The following NTRK3 variants were observed in gnomAD, a reference collection of about 807,000 sequenced individuals.
The protein encoded by NTRK3 is NT-3 growth factor receptor.
Under a neutral mutation model 91.7 loss-of-function variants are expected in NTRK3, and 24 were observed. That is an observed-to-expected ratio of 0.26 (90% CI 0.19 to 0.37). The LOEUF (loss-of-function observed/expected upper bound fraction) is 0.37. Among genes scored for constraint, NTRK3 ranks in the 10% least tolerant of loss-of-function variants. NTRK3 has a pLI of 1.00. For synonymous variants in NTRK3, 483 were observed against 404.0 expected, an observed-to-expected ratio of 1.20 and a Z score of -2.34; for missense variants, 880 against 1,068.9, an observed-to-expected ratio of 0.82 and a Z score of 2.46.
intron 14 of NTRK3, among the ~76,000 whole-genome samples, chr15:88,016,081 A>G (rs1433382578): frequency 6.6e-6 from 1 of 152,088 alleles, no homozygotes; most frequent in Non-Finnish European, 1.5e-5. Flanking sequence ...GCCTGTGCAT[A>G]TAAGGCAAAA....
chr15:88,224,640 C>T lies in NTRK3; in HGVS notation c.248+31266G>A, dbSNP rs1054555373. On this transcript the variant is annotated intron_variant, in intron 3 of 18. Transcript: ENST00000394480. ...AGACTTCAGTCATCAGGTTCTATCACGACTGTCATTATTCTCACCCATGCT... is the reference window on the plus strand; with the variant it reads ...AGACTTCAGTCATCAGGTTCTATCATGACTGTCATTATTCTCACCCATGCT... Among the ~76,000 whole-genome samples the T allele has an allele frequency of 2.6e-5, 4 of 152,344 alleles. No individual in the cohort carries two copies. The South Asian group carries it at 6.2e-4, about 24-fold the overall frequency.
intron 17 of NTRK3, among the ~76,000 whole-genome samples, chr15:87,889,500 G>A (rs1044370707): frequency 1.3e-5 from 2 of 150,552 alleles, no homozygotes; most frequent in Admixed American, 6.6e-5. Context: ...CACCTCCCGG[G>A]TTCAAGCAAT....
intron 6 of NTRK3, among the ~76,000 whole-genome samples, chr15:88,138,914 G>A (rs543045418): frequency 6.6e-6 from 1 of 152,242 alleles, no homozygotes; most frequent in African/African-American, 2.4e-5. Context: ...AAAGGAAAGA[G>A]AGAAAAAGAG....
At chr15:88,019,787 T>C (rs1390696772) in intron 14 of NTRK3, among the ~76,000 whole-genome samples, 1 of 152,208 alleles carries the variant, frequency 6.6e-6, no homozygotes, top group Non-Finnish European at 1.5e-5. Context: ...AGAGTCCTAA[T>C]ACACTTCATC....
At chr15:88,046,998 C>A (rs966924996) in intron 13 of NTRK3, among the ~76,000 whole-genome samples, 1 of 152,166 alleles carries the variant, frequency 6.6e-6, no homozygotes, top group Non-Finnish European at 1.5e-5. Flanking sequence ...TACGTGCCTG[C>A]CCTGACCGCC....
At chr15:88,151,022 T>C (rs1442332162) in intron 5 of NTRK3, among the ~76,000 whole-genome samples, 1 of 152,102 alleles carries the variant, frequency 6.6e-6, no homozygotes, top group Non-Finnish European at 1.5e-5. Context: ...AAGAACACCC[T>C]GCCTCTGAGC....
At chr15:88,206,106 G>A (rs1229743533) in intron 3 of NTRK3, among the ~76,000 whole-genome samples, 1 of 151,878 alleles carries the variant, frequency 6.6e-6, no homozygotes, top group African/African-American at 2.4e-5. Flanking sequence ...TTGGGAGGCC[G>A]AGGCGGGCGG....
chr15:88,067,181 C>G (rs1194757671), intron 13 of NTRK3, among the ~76,000 whole-genome samples: 1 of 152,194 alleles, frequency 6.6e-6, no homozygotes, highest in African/African-American at 2.4e-5. Context: ...GCTGAGGGCT[C>G]AGTCCCATTC....
chr15:88,202,636 T>C (rs1464343484), intron 3 of NTRK3, among the ~76,000 whole-genome samples: 1 of 152,180 alleles, frequency 6.6e-6, no homozygotes, highest in African/African-American at 2.4e-5. Flanking sequence ...GTCCTAGGAT[T>C]CCTCAGAGGC....
At chr15:87,968,991 T>A (rs376457817) in intron 14 of NTRK3, among the ~76,000 whole-genome samples, 2 of 152,192 alleles carry the variant, frequency 1.3e-5, no homozygotes, top group Non-Finnish European at 2.9e-5. Context: ...ATTTCTTTAC[T>A]TCTTTTATCT....
Position 87,986,168 on chromosome 15 carries a change from C to T in NTRK3, c.1586-45415G>A, listed in dbSNP as rs958353731. On this transcript the variant is annotated intron_variant, in intron 14 of 18. Transcript: ENST00000394480. ...GCTTAACTGAGAGTAGAGAGAATCTCGGGTATTAATAATCTATCTTCATTG... is the reference window on the plus strand; with the variant it reads ...GCTTAACTGAGAGTAGAGAGAATCTTGGGTATTAATAATCTATCTTCATTG... 3.9e-5 allele frequency among the ~76,000 whole-genome samples: 6 copies of T among 152,304 alleles called. No individual in the cohort carries two copies. In the East Asian group the frequency reaches 9.6e-4, roughly 24 times the overall value.
At chr15:88,191,880 G>A (rs1033788064) in intron 3 of NTRK3, among the ~76,000 whole-genome samples, 2 of 152,234 alleles carry the variant, frequency 1.3e-5, no homozygotes, top group East Asian at 1.9e-4. Flanking sequence ...CAGCTGTTGT[G>A]GGGGACAGTG....
exon 19 of NTRK3, chr15:87,864,688 A>T (rs771850696): frequency 2.2e-5 from 5 of 229,374 alleles, no homozygotes; most frequent in African/African-American, 1.1e-4. Context: ...AGCATTCTCC[A>T]TGGCTAGATA....
In NTRK3 at chr15:88,032,814, C is replaced by T. The variant is rs752980432; in HGVS notation, c.1585+43G>A. On this transcript the variant is annotated intron_variant, in intron 14 of 18. Coordinates refer to ENST00000394480, the Ensembl canonical transcript of NTRK3. The stretch of plus-strand genomic sequence containing the variant: ...AGGTACATGGTCTATCACCAACCAC[C>T]CTCCCCTCCCCAGGAGGGAGAGCAT... 7 of 1,609,224 alleles carry T rather than the reference C, an allele frequency of 4.3e-6. No individual in the cohort carries two copies. In the East Asian group the frequency reaches 1.6e-4, roughly 36 times the overall value.
intron 14 of NTRK3, among the ~76,000 whole-genome samples, chr15:87,989,362 A>G (rs570008617): frequency 2.6e-4 from 40 of 152,336 alleles, no homozygotes; most frequent in Non-Finnish European, 5.0e-4. Context: ...AGGGACATGG[A>G]TGAAGCTGGA....
At chr15:88,090,810 C>A (rs987021060) in intron 13 of NTRK3, among the ~76,000 whole-genome samples, 1 of 152,152 alleles carries the variant, frequency 6.6e-6, no homozygotes, top group South Asian at 2.1e-4. Context: ...CTTCCTATTT[C>A]CCCCACCCAG....
intron 14 of NTRK3, among the ~76,000 whole-genome samples, chr15:87,943,115 C>T (rs1402304228): frequency 2.0e-5 from 3 of 152,222 alleles, no homozygotes; most frequent in East Asian, 3.9e-4. Flanking sequence ...CCAGGGATTC[C>T]AATCTAGTAG....
rs532361191 is a variant in NTRK3 at position 88,136,317 on chromosome 15, C to T, written c.765+150G>A. On this transcript the variant is annotated intron_variant, in intron 8 of 18. Transcript: ENST00000394480. ...GAAAAGTTGAGTAGCATGTATAGAG[C>T]GAAATGGCTAGAAAATATTGCAGCT... is the stretch of plus-strand genomic sequence containing the variant. 174 of 1,098,962 alleles carry T rather than the reference C, an allele frequency of 1.6e-4. No homozygotes were observed. In the East Asian group the frequency reaches 3.1e-3, roughly 19 times the overall value. 68.1% of individuals were successfully genotyped at this position (1,098,962 alleles called of 1,614,324 possible).
chr15:87,876,798 G>A, exon 19 of NTRK3: 2 of 981,826 alleles, frequency 2.0e-6, no homozygotes, highest in South Asian at 1.4e-5. Flanking sequence ...TTTCAGTGTT[G>A]TATGTGTAGC....
Sources: gnomAD v4.1 joint callset for allele counts (sites outside exome capture counted in the v4.1 genomes callset) on GRCh38, gnomAD v4.1.1 for gene constraint, MANE v1.5 for transcripts, NCBI Gene and HGNC (gene_info 2026-07-23, HGNC 2026-07-21) for gene names.